CXADR: variants seen among roughly 807,000 people sequenced by gnomAD.
The protein encoded by CXADR is CXADR cell adhesion molecule, also known as coxsackievirus and adenovirus receptor.
A neutral mutation model predicts 40.3 loss-of-function variants in CXADR; 20 were observed. The ratio of observed to expected loss-of-function variants is 0.50; its 90% CI spans 0.35 to 0.72. The LOEUF (loss-of-function observed/expected upper bound fraction) is 0.72. Ranked by LOEUF, CXADR falls within the 30% of genes least tolerant of loss-of-function variation. The pLI, the probability that CXADR is intolerant of heterozygous loss-of-function variation, is 0.01. For synonymous variants in CXADR, 150 were observed against 161.3 expected (o/e 0.93, Z 0.53); for missense variants, 332 against 449.1 (o/e 0.74, Z 2.36).
intron 2 of CXADR, among the ~76,000 whole-genome samples, chr21:17,547,568 G>A (rs2060914456): frequency 6.6e-6 from 1 of 152,086 alleles, no homozygotes; most frequent in Non-Finnish European, 1.5e-5. Flanking sequence ...GTTAGGAGAT[G>A]GCACATAACT....
the CXADR span, among the ~76,000 whole-genome samples, chr21:17,610,663 G>A: frequency 6.6e-6 from 1 of 152,180 alleles, no homozygotes; most frequent in African/African-American, 2.4e-5. Flanking sequence ...TCTGGCTGCT[G>A]TAACCTGGAG....
chr21:17,616,358 CAG>C, the CXADR span, among the ~76,000 whole-genome samples: 3 of 120,884 alleles, frequency 2.5e-5, no homozygotes, highest in African/African-American at 9.6e-5. Context: ...TTTTTTGAGA[CAG>C]AGTCTTTCTC....
chr21:17,630,650 C>CTTTTTTTTTTTTTTTTTTTTTTTT, the CXADR span, among the ~76,000 whole-genome samples: 1 of 116,998 alleles, frequency 8.5e-6, no homozygotes, highest in African/African-American at 3.3e-5. Flanking sequence ...CTTCCTTCTT[C>CTTTTTTTTTTTTTTTTTTTTTTTT]TTTTTTTTTT....
In CXADR at chr21:17,569,452, C is replaced by T; in HGVS notation, c.*3760C>T. 1 of 984,786 alleles carries T rather than the reference C, an allele frequency of 1.0e-6. No homozygotes were observed. The highest frequency in any genetic ancestry group is 1.2e-6 in the Non-Finnish European group (1 of 829,832). 61.0% of individuals were successfully genotyped at this position (984,786 alleles called of 1,614,324 possible). On this transcript the variant is annotated 3_prime_UTR_variant, in exon 7 of 7. Transcript: ENST00000284878. ...TGGGCAAGTTTTAATATTTTGAATG[C>T]CTTTGGATATTCCAGCAATAAAGGC... is the stretch of plus-strand genomic sequence containing the variant.
At chr21:17,621,477 T>G in the CXADR span, among the ~76,000 whole-genome samples, 1 of 152,160 alleles carries the variant, frequency 6.6e-6, no homozygotes, top group Non-Finnish European at 1.5e-5. Flanking sequence ...AAGGAAATAA[T>G]AAATTGCTCA....
intron 1 of CXADR, among the ~76,000 whole-genome samples, chr21:17,523,158 G>T (rs917559579): frequency 1.3e-5 from 2 of 152,114 alleles, no homozygotes; most frequent in African/African-American, 2.4e-5. Flanking sequence ...ACTTACTGCA[G>T]CATGTTCTAA....
At chr21:17,562,501 T>C (rs971326327) in intron 6 of CXADR, among the ~76,000 whole-genome samples, 16 of 152,186 alleles carry the variant, frequency 1.1e-4, no homozygotes, top group African/African-American at 3.9e-4. Flanking sequence ...CTTGTATTTT[T>C]TGTAGAGATG....
At chr21:17,573,153 T>C (rs1267083642), downstream of CXADR, among the ~76,000 whole-genome samples, 3 of 152,104 alleles carry the variant, frequency 2.0e-5, no homozygotes, top group Non-Finnish European at 4.4e-5. Flanking sequence ...TCCATCTCTC[T>C]TCCCTCTATG....
At chr21:17,521,543 G>A (rs1460074907) in intron 1 of CXADR, among the ~76,000 whole-genome samples, 6 of 151,754 alleles carry the variant, frequency 4.0e-5, no homozygotes, top group African/African-American at 1.5e-4. Flanking sequence ...GGCTGGTCTC[G>A]AACTCCTGAC....
chr21:17,619,137 G>A, the CXADR span, among the ~76,000 whole-genome samples: 4 of 152,136 alleles, frequency 2.6e-5, no homozygotes, highest in Admixed American at 2.6e-4. Flanking sequence ...AGAAGATTTG[G>A]CATAATTCTT....
rs1172445655 is a variant in CXADR at position 17,568,791 on chromosome 21, C to T, written c.*3099C>T. ...CTTGTTAGAGAGCCTCTCACTCCCCCACCCCCAAAAATGTCTACTATTCAT... is the reference window on the plus strand; with the variant it reads ...CTTGTTAGAGAGCCTCTCACTCCCCTACCCCCAAAAATGTCTACTATTCAT... On this transcript the variant is annotated 3_prime_UTR_variant, in exon 7 of 7. Coordinates refer to ENST00000284878, the MANE Select transcript of CXADR (RefSeq NM_001338.5). The T allele has an allele frequency of 2.0e-6, 2 of 985,024 alleles. No individual in the cohort carries two copies. Among genetic ancestry groups the T allele is most frequent in the African/African-American group, 3.5e-5 (2 of 57,130 alleles). The allele number at this position is 985,024 out of a possible 1,614,324, so 61.0% of individuals were successfully genotyped here. A position where few individuals can be genotyped will look rare whatever the true frequency, so the allele number is the denominator to read the frequency against.
chr21:17,614,086 C>G, the CXADR span: 6 of 111,842 alleles, frequency 5.4e-5, no homozygotes, highest in Non-Finnish European at 1.1e-4. Context: ...CCAAACAGTA[C>G]AATAAACTTT....
the CXADR span, among the ~76,000 whole-genome samples, chr21:17,615,467 C>A: frequency 6.6e-6 from 1 of 152,026 alleles, no homozygotes; most frequent in Non-Finnish European, 1.5e-5. Flanking sequence ...GGTACCAAAC[C>A]CTATGTATAA....
At chr21:17,594,887 A>G (rs910325577), downstream of CXADR, among the ~76,000 whole-genome samples, 1 of 152,024 alleles carries the variant, frequency 6.6e-6, no homozygotes, top group African/African-American at 2.4e-5. Context: ...AAAGATAACT[A>G]TTGAGTACTG....
intron 1 of CXADR, among the ~76,000 whole-genome samples, chr21:17,544,729 G>A (rs1325148773): frequency 6.6e-6 from 1 of 152,202 alleles, no homozygotes; most frequent in African/African-American, 2.4e-5. Flanking sequence ...TCAGGTTTAA[G>A]GGAGCAGGTG....
chr21:17,531,491 T>A (rs2060675522), intron 1 of CXADR, among the ~76,000 whole-genome samples: 1 of 152,158 alleles, frequency 6.6e-6, no homozygotes, highest in Non-Finnish European at 1.5e-5. Context: ...ATTTGGCACA[T>A]CCCAGTATAT....
chr21:17,625,488 C>T, the CXADR span, among the ~76,000 whole-genome samples: 4 of 152,052 alleles, frequency 2.6e-5, no homozygotes, highest in African/African-American at 9.7e-5. Flanking sequence ...AAAATATGTA[C>T]AACTGTGATA....
intron 7 of CXADR, among the ~76,000 whole-genome samples, chr21:17,585,527 A>AT (rs11445842): frequency 0.069 from 10,376 of 150,510 alleles, 405 homozygotes; most frequent in Middle Eastern, 0.11. Flanking sequence ...TTTAATTATT[A>AT]TTTTTTTTTG....
chr21:17,577,776 T>A (rs1243132169), intron 7 of CXADR, among the ~76,000 whole-genome samples: 1 of 152,012 alleles, frequency 6.6e-6, no homozygotes, highest in African/African-American at 2.4e-5. Context: ...AATTAAAACT[T>A]TTTACCTGTT....
Sources: allele counts gnomAD v4.1 joint callset (sites outside exome capture counted in the v4.1 genomes callset), GRCh38; gene constraint gnomAD v4.1.1; transcripts MANE v1.5; gene names NCBI Gene and HGNC (gene_info 2026-07-23, HGNC 2026-07-21).